Variants in HDAC6 observed in about 807,000 individuals in gnomAD.
HDAC6 encodes the protein protein deacetylase HDAC6.
In HDAC6, 5 loss-of-function variants were observed where a neutral mutation model predicts 88.9. The observed-to-expected ratio is 0.06, with a 90% CI of 0.03 to 0.12. The LOEUF is 0.12. Among genes scored for constraint, HDAC6 ranks in the 10% least tolerant of loss-of-function variants. The pLI, the probability that HDAC6 is intolerant of heterozygous loss-of-function variation, is 1.00. For synonymous variants in HDAC6, 378 were observed against 398.0 expected (o/e 0.95, Z 0.60); for missense variants, 706 against 1,014.4 (o/e 0.70, Z 4.13).
rs1433488943 is a variant in HDAC6, at chrX:48,823,028, G to A, written c.2629G>A (p.Ala877Thr). ...CACACGAGAAAAGAAGGTTCTGGAAGCAGGCATGGGGAAAGTCACCTCGGC... is the reference window on the plus strand; with the variant it reads ...CACACGAGAAAAGAAGGTTCTGGAAACAGGCATGGGGAAAGTCACCTCGGC... Reference protein sequence around the residue: ...MTTREKKVLEAGMGKVTSASF... With the variant: ...MTTREKKVLETGMGKVTSASF... The change falls in exon 25 of 29, where the codon GCA (alanine) becomes ACA (threonine). Residue 877 changes from alanine (A) to threonine (T), a missense_variant. Physicochemically the swap from Ala to Thr is moderately conservative, Grantham distance 58. Around this residue, in one of 9 missense-constraint regions of HDAC6, gnomAD observed 89 missense variants for 90.9 expected, o/e 0.98. Transcript: ENST00000334136. 1.7e-6 allele frequency: 2 copies of A among 1,209,698 alleles called. No individual in the cohort carries two copies. Among genetic ancestry groups the A allele is most frequent in the East Asian group, 3.0e-5 (1 of 33,774 alleles).
Position 48,823,097 on chromosome X carries a change from A to G in HDAC6, c.2698A>G (p.Thr900Ala). 8.3e-7 allele frequency: 1 copy of G among 1,210,938 alleles called. No individual in the cohort carries two copies. ...CACTCCAGGCCAGACTAACTCAGAG[A>G]CAGCTGTGGTGGCCCTCACTCAGGA... ...ESTPGQTNSE[T>A]AVVALTQDQP... The change falls in exon 25 of 29, where the codon ACA becomes GCA. Residue 900 changes from threonine (T) to alanine (A), a missense_variant. Transcript: ENST00000334136.
At chrX:48,820,358 C>A in intron 23 of HDAC6, 103 bp downstream of exon 23, 1 of 738,222 alleles carries the variant, frequency 1.4e-6, no homozygotes, top group Non-Finnish European at 1.9e-6. Context: ...AGTGTCCCTG[C>A]CTGGGATTGT....
intron 10 of HDAC6, among the ~76,000 whole-genome samples, chrX:48,812,800 A>G (rs1450026409): frequency 8.9e-6 from 1 of 112,361 alleles, no homozygotes; most frequent in African/African-American, 3.2e-5. Context: ...TTTTAAACTT[A>G]GCTTGAGTGC....
At chrX:48,815,851 G>A in intron 16 of HDAC6, 33 bp from the exon 17 acceptor site, 1 of 1,195,967 alleles carries the variant, frequency 8.4e-7, no homozygotes, top group Non-Finnish European at 1.1e-6. Context: ...TTCAGATTGA[G>A]AGGGTAGGAC....
At chrX:48,807,523 A>C (rs1481422161) in intron 8 of HDAC6, among the ~76,000 whole-genome samples, 2 of 111,882 alleles carry the variant, frequency 1.8e-5, no homozygotes. Flanking sequence ...TTATTTATTT[A>C]TTTATTTTGA....
intron 22 of HDAC6, among the ~76,000 whole-genome samples, chrX:48,818,691 G>A (rs1557028644): frequency 8.9e-6 from 1 of 112,359 alleles, no homozygotes; most frequent in African/African-American, 3.2e-5. Flanking sequence ...CCAATGGCCC[G>A]TGTCCTGGCT....
intron 10 of HDAC6, among the ~76,000 whole-genome samples, chrX:48,810,153 G>A (rs1339989568): frequency 9.3e-6 from 1 of 107,738 alleles, no homozygotes; most frequent in African/African-American, 3.4e-5. Context: ...ATAGCCCACT[G>A]TAACCTCAAA....
In HDAC6 at chrX:48,808,380, C is replaced by T. The variant is rs143074853; in HGVS notation, c.806+54C>T. Reference sequence around the variant, plus strand: ...GACTCCCAGCCACCTCCCACCCTTACAGGCCCAGCCAGAAGGGGTCCAGAA... The same window carrying T: ...GACTCCCAGCCACCTCCCACCCTTATAGGCCCAGCCAGAAGGGGTCCAGAA... On this transcript the variant is annotated intron_variant, in intron 10 of 28. Coordinates refer to ENST00000334136, the MANE Select transcript of HDAC6 (RefSeq NM_006044.4). The T allele has an allele frequency of 3.2e-3, 2,851 of 896,268 alleles. 41 individuals are homozygous for T. In the Admixed American group the frequency reaches 0.04, roughly 13 times the overall value. 73.9% of individuals were successfully genotyped at this position (896,268 alleles called of 1,213,427 possible). A position where few individuals can be genotyped will look rare whatever the true frequency, so the allele number is the denominator to read the frequency against.
rs937990589 is a variant in HDAC6 at position 48,802,495 on chromosome X, T to C, written c.-30-168T>C. 108 of 1,076,807 alleles carry C rather than the reference T, an allele frequency of 1.0e-4. No homozygotes were observed. The African/African-American group carries it at 1.8e-3, about 18-fold the overall frequency. The allele number at this position is 1,076,807 out of a possible 1,213,427, so 88.7% of individuals were successfully genotyped here. On this transcript the variant is annotated intron_variant, in intron 1 of 28. Coordinates refer to ENST00000334136, the MANE Select transcript of HDAC6 (RefSeq NM_006044.4). ...GGGCCGGGTAGAATGGCCACCTGAG[T>C]GGAGGGAGAAGGCCTGAGAGAGGCG...
Position 48,816,457 on chromosome X carries a change from G to A in HDAC6, c.1623-8G>A, listed in dbSNP as rs782263919. ...CTGTCCTGCGGGTGCTCCTCTCTGT[G>A]CTTCCAGTGCTGAGTACGTGGGTCA... On this transcript the variant is annotated splice_polypyrimidine_tract_variant and splice_region_variant and intron_variant, in intron 18 of 28. Coordinates refer to ENST00000334136, the MANE Select transcript of HDAC6 (RefSeq NM_006044.4). 1 of 1,196,191 alleles carries A rather than the reference G, an allele frequency of 8.4e-7. No homozygotes were observed. Among genetic ancestry groups the A allele is most frequent in the Admixed American group, 2.3e-5 (1 of 44,197 alleles).
chrX:48,814,199 T>C, intron 10 of HDAC6: 1 of 392,080 alleles, frequency 2.6e-6, no homozygotes, highest in South Asian at 3.8e-5. Context: ...AGGTAATGGA[T>C]AAATAAAGAT....
chrX:48,802,490 C>T, intron 1 of HDAC6, 173 bp from the exon 2 acceptor site: 1 of 1,083,547 alleles, frequency 9.2e-7, no homozygotes, highest in Non-Finnish European at 1.2e-6. Flanking sequence ...GAATGGCCAC[C>T]TGAGTGGAGG....
At chrX:48,802,807 G>C in intron 2 of HDAC6, 22 bp downstream of exon 2, 1 of 1,206,827 alleles carries the variant, frequency 8.3e-7, no homozygotes, top group African/African-American at 1.7e-5. Context: ...GACCCGCCCT[G>C]ATGAGGGGGA....
chrX:48,819,130 A>G (rs1255068804), intron 22 of HDAC6, among the ~76,000 whole-genome samples: 2 of 112,402 alleles, frequency 1.8e-5, no homozygotes, highest in African/African-American at 6.5e-5. Context: ...CTGTATGTGC[A>G]AATAACCAGC....
At chrX:48,812,199 G>A (rs781892999) in intron 10 of HDAC6, among the ~76,000 whole-genome samples, 24 of 112,408 alleles carry the variant, frequency 2.1e-4, no homozygotes, top group Admixed American at 9.5e-5. Flanking sequence ...ACACACAGAT[G>A]TGAAACACTG....
At chrX:48,801,618 CT>C (rs782528830), upstream of HDAC6, 659 of 232,628 alleles carry the variant, frequency 2.8e-3, 2 homozygotes, top group Middle Eastern at 4.8e-3. Flanking sequence ...CGGCGCCTGC[CT>C]TTTACGTAGG....
Position 48,816,285 on chromosome X carries a change from C to G in HDAC6, c.1622+16C>G. On this transcript the variant is annotated intron_variant, in intron 18 of 28. Transcript: ENST00000334136. The stretch of plus-strand genomic sequence containing the variant: ...CCTGTCACAGGTCAGACCCCGGTGC[C>G]TGGGGTGGGTGGATTCCCAGGACTG... The G allele has an allele frequency of 8.3e-7, 1 of 1,200,997 alleles. No individual in the cohort carries two copies. The highest frequency in any genetic ancestry group is 1.1e-6 in the Non-Finnish European group (1 of 889,634).
In HDAC6 at chrX:48,824,560, A is replaced by G; in HGVS notation, c.3596A>G (p.Lys1199Arg). 8.3e-7 allele frequency: 1 copy of G among 1,210,252 alleles called. No homozygotes were observed. Among genetic ancestry groups the G allele is most frequent in the Non-Finnish European group, 1.1e-6 (1 of 894,730 alleles). Residue 1199 changes from lysine (K) to arginine (R), a missense_variant, in exon 29 of 29, where the codon AAG (lysine) becomes AGG (arginine). Around this residue, in one of 9 missense-constraint regions of HDAC6, gnomAD observed 36 missense variants for 35.5 expected, o/e 1.01. Coordinates refer to ENST00000334136, the MANE Select transcript of HDAC6 (RefSeq NM_006044.4). ...CCTCCTCAGGCTCTCCTAGATGTGA[A>G]GAACATCGCCCACCAGAACAAGTTT... ...YVHHQALLDV[K>R]NIAHQNKFGE...
At position 48,802,134 on chromosome X, in the gene HDAC6, G is replaced by C. The variant is rs1204797012; in HGVS notation, c.-39G>C. The C allele has an allele frequency of 1.6e-5, 14 of 887,517 alleles. No individual in the cohort carries two copies. The highest frequency in any genetic ancestry group is 2.0e-5 in the Non-Finnish European group (14 of 716,987). 73.1% of individuals were successfully genotyped at this position (887,517 alleles called of 1,213,427 possible). On this transcript the variant is annotated 5_prime_UTR_variant, in exon 1 of 29. Coordinates refer to ENST00000334136, the MANE Select transcript of HDAC6 (RefSeq NM_006044.4). Reference sequence around the variant, plus strand: ...GAAACGCTAGGGGCGGGATCTGGCGGAGTGGAAGGTACCGGTCCGGCCCGA... The same window carrying C: ...GAAACGCTAGGGGCGGGATCTGGCGCAGTGGAAGGTACCGGTCCGGCCCGA...
Sources: gnomAD v4.1 joint callset for allele counts (sites outside exome capture counted in the v4.1 genomes callset) on GRCh38, gnomAD v4.1.1 for gene constraint, gnomAD v4.1.1 regional missense constraint, MANE v1.5 for transcripts, NCBI Gene and HGNC (gene_info 2026-07-23, HGNC 2026-07-21) for gene names.